Variants in GALNTL5 observed in about 807,000 individuals in gnomAD.
GALNTL5 encodes polypeptide N-acetylgalactosaminyltransferase like 5.
A neutral mutation model predicts 51.0 loss-of-function variants in GALNTL5; 44 were observed. The ratio of observed to expected loss-of-function variants is 0.86; its 90% CI spans 0.68 to 1.11. GALNTL5 has a LOEUF of 1.11. Among genes scored for constraint, GALNTL5 ranks in the 50% least tolerant of loss-of-function variants. The probability of loss-of-function intolerance (pLI) is 0.00; values close to 1 mark genes in which losing one functional copy is unlikely to be tolerated. For missense variants in GALNTL5, 528 were observed against 531.8 expected (o/e 0.99, Z 0.07); for synonymous variants, 192 against 182.8 (o/e 1.05, Z -0.41).
At chr7:151,984,000 A>C (rs1237872279) in intron 4 of GALNTL5, 1 of 152,296 alleles carries the variant, frequency 6.6e-6, no homozygotes, top group Non-Finnish European at 1.5e-5. Flanking sequence ...AGATCCCTCG[A>C]GCTCAGGAGC....
Position 151,999,516 on chromosome 7 carries a change from C to T in GALNTL5, c.659-3198C>T, listed in dbSNP as rs73730306. Among the ~76,000 whole-genome samples, 1,512 of 152,308 alleles carry T rather than the reference C, an allele frequency of 9.9e-3. 24 individuals carry two copies. Among genetic ancestry groups the T allele is most frequent in the African/African-American group, 0.032 (1,335 of 41,570 alleles). Reference sequence around the variant, plus strand: ...AAATTTCTCCATATCCCTGCCAAAACTTATTTTTCATTTTTTAAGTTCTCG... The same window carrying T: ...AAATTTCTCCATATCCCTGCCAAAATTTATTTTTCATTTTTTAAGTTCTCG... On this transcript the variant is annotated intron_variant, in intron 5 of 8. Coordinates refer to ENST00000392800, the MANE Select transcript of GALNTL5 (RefSeq NM_145292.4).
chr7:151,991,152 G>T (rs2081424546), intron 5 of GALNTL5, among the ~76,000 whole-genome samples: 1 of 152,208 alleles, frequency 6.6e-6, no homozygotes, highest in East Asian at 1.9e-4. Flanking sequence ...GAGTGCAATG[G>T]CGTCATCTCG....
At chr7:151,979,615 A>T (rs1247301341) in intron 3 of GALNTL5, among the ~76,000 whole-genome samples, 1 of 151,688 alleles carries the variant, frequency 6.6e-6, no homozygotes, top group African/African-American at 2.4e-5. Flanking sequence ...ACCCGCCACC[A>T]CGGCTAATTT....
intron 5 of GALNTL5, among the ~76,000 whole-genome samples, chr7:152,001,973 A>C (rs539520968): frequency 6.6e-6 from 1 of 152,224 alleles, no homozygotes; most frequent in African/African-American, 2.4e-5. Flanking sequence ...CACTTTCTCT[A>C]CTTTAACCAT....
chr7:151,962,877 G>A (rs2081009415), intron 1 of GALNTL5, among the ~76,000 whole-genome samples: 1 of 152,118 alleles, frequency 6.6e-6, no homozygotes, highest in African/African-American at 2.4e-5. Context: ...CCAAAGTGCT[G>A]GGATTCCAGG....
intron 2 of GALNTL5, among the ~76,000 whole-genome samples, chr7:151,970,003 G>A (rs2081112610): frequency 6.6e-6 from 1 of 151,932 alleles, no homozygotes; most frequent in Non-Finnish European, 1.5e-5. Flanking sequence ...GGAGAGACGG[G>A]GTTTCACCGT....
At chr7:152,003,420 C>CA (rs1219978786) in intron 6 of GALNTL5, among the ~76,000 whole-genome samples, 1 of 152,226 alleles carries the variant, frequency 6.6e-6, no homozygotes, top group Non-Finnish European at 1.5e-5. Context: ...TGGAATTGTA[C>CA]ATTAAGATGG....
intron 1 of GALNTL5, chr7:151,960,512 A>C (rs2080978656): frequency 6.6e-6 from 1 of 152,298 alleles, no homozygotes; most frequent in South Asian, 2.1e-4. Context: ...TAAGATTTGC[A>C]TGGAAAACTT....
intron 5 of GALNTL5, among the ~76,000 whole-genome samples, chr7:151,993,287 T>G (rs1488901158): frequency 6.6e-6 from 1 of 152,090 alleles, no homozygotes; most frequent in Non-Finnish European, 1.5e-5. Context: ...TTGTACTGTG[T>G]TCTTATACTT....
At chr7:151,966,767 T>C (rs4726118) in intron 1 of GALNTL5, among the ~76,000 whole-genome samples, 103,390 of 152,074 alleles carry the variant, frequency 0.68, 35,384 homozygotes, top group South Asian at 0.78. Flanking sequence ...ATTGTGCCAT[T>C]CATCAGTGGT....
Position 152,002,016 on chromosome 7 carries a change from G to A in GALNTL5, c.659-698G>A, listed in dbSNP as rs575939663. On this transcript the variant is annotated intron_variant, in intron 5 of 8. Transcript: ENST00000392800. ...ATTCCCATGTCCTCTAAGCAGAATA[G>A]GTCCCCACTGAAGCTTGAACTCAAA... Among the ~76,000 whole-genome samples, 192 of 152,168 alleles carry A rather than the reference G, an allele frequency of 1.3e-3. 1 individual carries two copies. The highest frequency in any genetic ancestry group is 4.5e-3 in the African/African-American group (185 of 41,518).
chr7:152,007,930 G>T lies in GALNTL5; in HGVS notation c.1012G>T (p.Glu338Ter). The change falls in exon 7 of 9, where the codon GAA (glutamate) becomes TAA (stop). Residue 338 changes from glutamate to a stop codon, truncating the protein, a stop_gained. Transcript: ENST00000392800. LOFTEE classifies it high-confidence loss of function. The part of the protein sequence containing the change: ...DMDFWGRENL[E>*]LSLRIWMCGG... ...GGATTTTTGGGGAAGAGAAAATTTG[G>T]AACTTTCACTAAGGGTAATTCAGAT... 1 of 1,553,734 alleles carries T rather than the reference G, an allele frequency of 6.4e-7. No homozygotes were observed. The highest frequency in any genetic ancestry group is 1.1e-5 in the South Asian group (1 of 89,300).
chr7:151,982,642 A>G (rs1264305507), intron 3 of GALNTL5, among the ~76,000 whole-genome samples: 1 of 152,106 alleles, frequency 6.6e-6, no homozygotes, highest in Non-Finnish European at 1.5e-5. Flanking sequence ...AGCAAAAAAA[A>G]AAAAAGATAA....
chr7:151,988,328 C>T (rs996628804), intron 5 of GALNTL5, among the ~76,000 whole-genome samples: 4 of 152,186 alleles, frequency 2.6e-5, no homozygotes, highest in Admixed American at 6.5e-5. Flanking sequence ...AGGCCTCCTA[C>T]GATCACGCCT....
intron 5 of GALNTL5, among the ~76,000 whole-genome samples, chr7:151,988,588 A>G (rs1230371524): frequency 1.3e-5 from 2 of 152,262 alleles, no homozygotes; most frequent in African/African-American, 2.4e-5. Context: ...TTCATTGTCC[A>G]AAACCCAAGA....
chr7:151,958,648 C>T (rs767255314), intron 1 of GALNTL5, among the ~76,000 whole-genome samples: 2 of 152,142 alleles, frequency 1.3e-5, no homozygotes, highest in South Asian at 4.1e-4. Flanking sequence ...CCTAGGCTGG[C>T]CCAGCCCTAC....
chr7:151,974,703 C>A (rs74324029), intron 3 of GALNTL5, among the ~76,000 whole-genome samples: 257 of 152,268 alleles, frequency 1.7e-3, no homozygotes, highest in African/African-American at 5.9e-3. Context: ...ACAAAGGTCA[C>A]CATTTTAACA....
At position 152,014,801 on chromosome 7, in the gene GALNTL5, A is replaced by C; in HGVS notation, c.1176+8A>C. On this transcript the variant is annotated splice_region_variant and intron_variant, in intron 8 of 8. Coordinates refer to ENST00000392800, the MANE Select transcript of GALNTL5 (RefSeq NM_145292.4). The stretch of plus-strand genomic sequence containing the variant: ...TGGCTGGATGAATATAAGGTGGGGA[A>C]CACATCCTTGACTTGGAAAATGTAT... 1.3e-6 allele frequency: 2 copies of C among 1,599,680 alleles called. No individual in the cohort carries two copies. The highest frequency in any genetic ancestry group is 1.7e-4 in the Middle Eastern group (1 of 5,988).
At chr7:152,010,525 G>C (rs1264538217) in intron 7 of GALNTL5, among the ~76,000 whole-genome samples, 2 of 152,070 alleles carry the variant, frequency 1.3e-5, no homozygotes, top group Admixed American at 1.3e-4. Flanking sequence ...CCCAGCACTT[G>C]GGGAGGCCAA....
Sources: gnomAD v4.1 joint callset for allele counts (sites outside exome capture counted in the v4.1 genomes callset) on GRCh38, gnomAD v4.1.1 for gene constraint, MANE v1.5 for transcripts, NCBI Gene and HGNC (gene_info 2026-07-23, HGNC 2026-07-21) for gene names.